The following CDC20B variants were observed in gnomAD, a reference collection of about 807,000 sequenced individuals.
CDC20B encodes the protein cell division cycle 20B, also known as cell division cycle protein 20 homolog B.
A neutral mutation model predicts 64.1 loss-of-function variants in CDC20B; 58 were observed. The observed-to-expected ratio is 0.90, with a 90% CI of 0.73 to 1.13. The LOEUF (loss-of-function observed/expected upper bound fraction) is 1.13, where lower values mean the gene tolerates loss of function less well. Among genes scored for constraint, CDC20B ranks in the 50% most tolerant of loss-of-function variants. CDC20B has a pLI of 0.00. For synonymous variants in CDC20B, 243 were observed against 230.6 expected (o/e 1.05, Z -0.49); for missense variants, 597 against 633.0 (o/e 0.94, Z 0.61).
chr5:55,163,831 A>C (rs1744225119), intron 2 of CDC20B, among the ~76,000 whole-genome samples: 1 of 149,234 alleles, frequency 6.7e-6, no homozygotes, highest in African/African-American at 2.5e-5. Flanking sequence ...TCTTGATACT[A>C]AGATCACATA....
chr5:55,160,080 A>G (rs997003277), intron 2 of CDC20B: 12 of 715,428 alleles, frequency 1.7e-5, no homozygotes, highest in African/African-American at 1.6e-4. Flanking sequence ...GTTCCTTAGC[A>G]GTGAAAGCAG....
At chr5:55,143,673 G>A in intron 3 of CDC20B, 30 bp from the exon 4 acceptor site, 1 of 1,556,100 alleles carries the variant, frequency 6.4e-7, no homozygotes, top group Non-Finnish European at 8.7e-7. Flanking sequence ...CTTTGAATTT[G>A]GTTTTTAAAA....
chr5:55,129,646 G>A (rs565080819), intron 6 of CDC20B, among the ~76,000 whole-genome samples: 17 of 152,320 alleles, frequency 1.1e-4, no homozygotes, highest in South Asian at 4.1e-4. Context: ...CCTACATGCA[G>A]AAGAGACTCA....
chr5:55,127,324 GC>G lies in CDC20B; in HGVS notation c.921del (p.Leu308Ter), dbSNP rs1742918644. ...VQLWDVVTKK[R>X]LRNMLGHLSV... is the part of the protein sequence containing the mutation. ...GACAAATGACCAAGCATATTTCTCA[GC>G]CGCTTTTTAGTTACCACATCCCATA... On this transcript the variant is annotated frameshift_variant, in exon 8 of 12. Coordinates refer to ENST00000381375, the MANE Select transcript of CDC20B (RefSeq NM_001170402.1). LOFTEE classifies it high-confidence loss of function. 2.5e-6 allele frequency: 4 copies of G among 1,614,064 alleles called. No individual in the cohort carries two copies. Among genetic ancestry groups the G allele is most frequent in the East Asian group, 2.2e-5 (1 of 44,876 alleles).
Position 55,114,111 on chromosome 5 carries a change from A to G in CDC20B, c.*107T>C. ...GAGAACAGGCATTCACATCAAGAAG[A>G]GTATTTCAACTTGTTTGATACTCAT... On this transcript the variant is annotated 3_prime_UTR_variant, in exon 12 of 12. Coordinates refer to ENST00000381375, the MANE Select transcript of CDC20B (RefSeq NM_001170402.1). The surrounding 1 kb of genome is among the most constrained non-coding windows in gnomAD (Gnocchi z 4.1). The G allele has an allele frequency of 6.9e-7, 1 of 1,451,422 alleles. No homozygotes were observed. The highest frequency in any genetic ancestry group is 2.6e-5 in the East Asian group (1 of 38,598). The allele number at this position is 1,451,422 out of a possible 1,614,324, so 89.9% of individuals were successfully genotyped here.
At chr5:55,123,978 T>G (rs143928946) in intron 9 of CDC20B, among the ~76,000 whole-genome samples, 1 of 152,312 alleles carries the variant, frequency 6.6e-6, no homozygotes, top group Non-Finnish European at 1.5e-5. Context: ...TAAATTTGCT[T>G]ACTGTTAATA....
intron 2 of CDC20B, chr5:55,160,482 C>G: frequency 9.7e-7 from 1 of 1,035,266 alleles, no homozygotes; most frequent in Non-Finnish European, 1.4e-6. Flanking sequence ...TTTGCTGTTA[C>G]ATGGTCATAA....
chr5:55,150,257 C>T (rs1743625520), intron 2 of CDC20B, among the ~76,000 whole-genome samples: 1 of 152,146 alleles, frequency 6.6e-6, no homozygotes, highest in Non-Finnish European at 1.5e-5. Flanking sequence ...CAAATGCTTA[C>T]AATATATTGC....
chr5:55,122,267 TTTTCTC>T (rs1468635640), intron 9 of CDC20B, among the ~76,000 whole-genome samples: 238 of 110,900 alleles, frequency 2.1e-3, no homozygotes, highest in African/African-American at 8.0e-3. Context: ...TTTGGAAGTC[TTTTCTC>T]TTTTTTTTTT....
intron 2 of CDC20B, among the ~76,000 whole-genome samples, chr5:55,153,064 C>T (rs1743712869): frequency 6.6e-6 from 1 of 151,638 alleles, no homozygotes; most frequent in African/African-American, 2.4e-5. Flanking sequence ...TGTGGCGAAA[C>T]CCCATCTGAA....
rs569501794 is a variant in CDC20B, at chr5:55,124,748, G to A, written c.1215+55C>T. The A allele has an allele frequency of 2.9e-6, 4 of 1,392,150 alleles. No individual in the cohort carries two copies. The African/African-American group carries it at 4.3e-5, about 15-fold the overall frequency. 86.2% of individuals were successfully genotyped at this position (1,392,150 alleles called of 1,614,324 possible). A position where few individuals can be genotyped will look rare whatever the true frequency, so the allele number is the denominator to read the frequency against. ...AATGATTTTCTTTTTATATGTGAAG[G>A]ATACCCAGTGGCCTCTGAGTAACAG... On this transcript the variant is annotated intron_variant, in intron 9 of 11. Coordinates refer to ENST00000381375, the MANE Select transcript of CDC20B (RefSeq NM_001170402.1).
rs756356113 is a variant in CDC20B at position 55,165,557 on chromosome 5, C to T, written c.126+7031G>A. ...CTACCTCAGTATATAGTTCTGTATA[C>T]GTATTTGGACCAAAGTTATTAGATA... On this transcript the variant is annotated intron_variant, in intron 2 of 11. Coordinates refer to ENST00000381375, the MANE Select transcript of CDC20B (RefSeq NM_001170402.1). 1.8e-4 allele frequency: 28 copies of T among 152,172 alleles called. 1 individual carries two copies. The highest frequency in any genetic ancestry group is 3.2e-4 in the Non-Finnish European group (22 of 68,032). The allele number at this position is 152,172 out of a possible 1,614,324, so 9.4% of individuals were successfully genotyped here.
chr5:55,159,312 C>T (rs1021854988), intron 2 of CDC20B, among the ~76,000 whole-genome samples: 1 of 152,136 alleles, frequency 6.6e-6, no homozygotes, highest in African/African-American at 2.4e-5. Flanking sequence ...CCACCATGCC[C>T]GGCCTCAGTT....
rs1054009203 is a variant in CDC20B, at chr5:55,113,308, C to G, written c.*910G>C. On this transcript the variant is annotated 3_prime_UTR_variant, in exon 12 of 12. Coordinates refer to ENST00000381375, the MANE Select transcript of CDC20B (RefSeq NM_001170402.1). ...ATTCCTATCCTTGCAGATGTTGCAA[C>G]ACATCCAAGGTTACAGGGTGTATTT... 6.6e-6 allele frequency: 1 copy of G among 152,208 alleles called. No individual in the cohort carries two copies. Among genetic ancestry groups the G allele is most frequent in the African/African-American group, 2.4e-5 (1 of 41,442 alleles). 9.4% of individuals were successfully genotyped at this position (152,208 alleles called of 1,614,324 possible).
chr5:55,122,725 C>A (rs1742788407), intron 9 of CDC20B, among the ~76,000 whole-genome samples: 1 of 152,228 alleles, frequency 6.6e-6, no homozygotes, highest in Non-Finnish European at 1.5e-5. Context: ...AAACTCCCAA[C>A]TGGCTTGAGG....
At chr5:55,135,246 T>C (rs563093457) in intron 5 of CDC20B, among the ~76,000 whole-genome samples, 95 of 152,094 alleles carry the variant, frequency 6.2e-4, no homozygotes, top group Non-Finnish European at 1.2e-3. Context: ...TATATATATA[T>C]ATACAGAGAG....
intron 2 of CDC20B, among the ~76,000 whole-genome samples, chr5:55,159,120 G>A (rs1041763979): frequency 1.3e-5 from 2 of 152,068 alleles, no homozygotes; most frequent in African/African-American, 4.8e-5. Context: ...GGGATCAAGC[G>A]ATCCTCCCAC....
chr5:55,115,287 T>C (rs542337151), intron 11 of CDC20B, among the ~76,000 whole-genome samples: 16 of 152,352 alleles, frequency 1.1e-4, no homozygotes, highest in South Asian at 6.2e-4. Flanking sequence ...ACAAAAAGAC[T>C]GTTTAATGTT....
chr5:55,172,561 G>T, intron 2 of CDC20B, 27 bp downstream of exon 2: 1 of 1,574,172 alleles, frequency 6.4e-7, no homozygotes, highest in Non-Finnish European at 8.7e-7. Context: ...AATTAAAACA[G>T]AGAACAAGAA....
Sources: allele counts gnomAD v4.1 joint callset (sites outside exome capture counted in the v4.1 genomes callset), GRCh38; gene constraint gnomAD v4.1.1; non-coding constraint Gnocchi (gnomAD v3.1); transcripts MANE v1.5; gene names NCBI Gene and HGNC (gene_info 2026-07-23, HGNC 2026-07-21).